The following KCNMA1 variants were observed in gnomAD, a reference collection of about 807,000 sequenced individuals.
KCNMA1 encodes potassium calcium-activated channel subfamily M alpha 1, also known as Calcium-activated potassium channel subunit alpha-1.
KCNMA1 carries 29 observed loss-of-function variants against 140.0 expected under a neutral mutation model. The observed-to-expected ratio is 0.21, with a 90% CI of 0.15 to 0.28. KCNMA1 has a LOEUF of 0.28. Ranked by LOEUF, KCNMA1 falls within the 10% of genes least tolerant of loss-of-function variation. The probability of loss-of-function intolerance (pLI) is 1.00; values close to 1 mark genes in which losing one functional copy is unlikely to be tolerated. For synonymous variants in KCNMA1, 612 were observed against 611.9 expected (o/e 1.00, Z 0.00); for missense variants, 880 against 1,602.2 (o/e 0.55, Z 7.70).
chr10:77,032,388 A>G (rs1212311910), intron 15 of KCNMA1, among the ~76,000 whole-genome samples: 1 of 152,190 alleles, frequency 6.6e-6, no homozygotes, highest in Non-Finnish European at 1.5e-5. Flanking sequence ...GAAATCAGGA[A>G]GCAGGGTGAG....
intron 1 of KCNMA1, among the ~76,000 whole-genome samples, chr10:77,519,589 G>A (rs1002312899): frequency 5.3e-5 from 8 of 152,056 alleles, no homozygotes; most frequent in Admixed American, 1.3e-4. Flanking sequence ...TTAATATCAC[G>A]GCCAAGGTCA....
chr10:77,512,958 C>T (rs1472311959), intron 1 of KCNMA1, among the ~76,000 whole-genome samples: 1 of 152,188 alleles, frequency 6.6e-6, no homozygotes, highest in East Asian at 1.9e-4. Context: ...TACTCCCTGG[C>T]CTTACTGTTA....
intron 9 of KCNMA1, among the ~76,000 whole-genome samples, chr10:77,103,936 G>A (rs905823550): frequency 3.9e-5 from 6 of 152,262 alleles, no homozygotes; most frequent in African/African-American, 1.4e-4. Context: ...GGTGGAGGAA[G>A]ATACAAACAA....
chr10:77,463,149 G>A (rs2097910262), intron 1 of KCNMA1, among the ~76,000 whole-genome samples: 1 of 152,162 alleles, frequency 6.6e-6, no homozygotes, highest in Non-Finnish European at 1.5e-5. Flanking sequence ...AGGTAACACA[G>A]TGCATGGCCC....
intron 1 of KCNMA1, among the ~76,000 whole-genome samples, chr10:77,535,088 T>C (rs1411034216): frequency 6.6e-6 from 1 of 152,238 alleles, no homozygotes; most frequent in East Asian, 1.9e-4. Context: ...ATATGTTATA[T>C]GAAGGTGGCG....
intron 2 of KCNMA1, among the ~76,000 whole-genome samples, chr10:77,345,549 G>T (rs1349956024): frequency 1.3e-5 from 2 of 152,206 alleles, no homozygotes; most frequent in African/African-American, 4.8e-5. Flanking sequence ...ACCTGTGTCT[G>T]CCCATCAACC....
chr10:77,317,262 C>A (rs1020113038), intron 2 of KCNMA1, among the ~76,000 whole-genome samples: 5 of 152,168 alleles, frequency 3.3e-5, no homozygotes, highest in African/African-American at 1.2e-4. Flanking sequence ...TCTAAGGAAC[C>A]CACTTCCACC....
intron 1 of KCNMA1, among the ~76,000 whole-genome samples, chr10:77,553,469 G>A (rs2063355056): frequency 6.6e-6 from 1 of 152,198 alleles, no homozygotes; most frequent in Non-Finnish European, 1.5e-5. Flanking sequence ...TCAGCAGTGA[G>A]CACCAGCCCA....
intron 3 of KCNMA1, among the ~76,000 whole-genome samples, chr10:77,231,650 T>C (rs1165589495): frequency 6.6e-6 from 1 of 151,550 alleles, no homozygotes; most frequent in Non-Finnish European, 1.5e-5. Flanking sequence ...AGCTGCTCTG[T>C]CTGTGACGCC....
At chr10:77,520,320 T>C (rs2052898031) in intron 1 of KCNMA1, among the ~76,000 whole-genome samples, 1 of 149,764 alleles carries the variant, frequency 6.7e-6, no homozygotes, top group Non-Finnish European at 1.5e-5. Context: ...AGTGTGAGGG[T>C]ATCCAGTGTG....
chr10:77,406,432 C>T (rs977722415), intron 1 of KCNMA1, among the ~76,000 whole-genome samples: 4 of 152,204 alleles, frequency 2.6e-5, no homozygotes, highest in Middle Eastern at 3.2e-3. Context: ...TGCTTCTTCT[C>T]GTGCCCCTGA....
intron 1 of KCNMA1, among the ~76,000 whole-genome samples, chr10:77,404,427 C>T (rs1193907650): frequency 3.3e-5 from 5 of 152,004 alleles, no homozygotes; most frequent in Non-Finnish European, 5.9e-5. Flanking sequence ...TACAGGCGCG[C>T]GGCCACCATG....
chr10:77,450,332 A>G (rs1301102275), intron 1 of KCNMA1, among the ~76,000 whole-genome samples: 1 of 152,242 alleles, frequency 6.6e-6, no homozygotes, highest in African/African-American at 2.4e-5. Context: ...CTGGGAGTAC[A>G]GGCGTGAGCC....
intron 2 of KCNMA1, among the ~76,000 whole-genome samples, chr10:77,376,002 A>T (rs537755240): frequency 1.3e-5 from 2 of 152,314 alleles, no homozygotes; most frequent in South Asian, 4.1e-4. Context: ...ACCTTCCAAG[A>T]ACCCTACCTG....
chr10:77,470,120 G>T (rs1361462613), intron 1 of KCNMA1, among the ~76,000 whole-genome samples: 3 of 152,058 alleles, frequency 2.0e-5, no homozygotes, highest in Non-Finnish European at 4.4e-5. Flanking sequence ...TAGGAATTTG[G>T]GGCTGAGGAG....
At chr10:76,879,356 C>T (rs2033597051) in intron 29 of KCNMA1, among the ~76,000 whole-genome samples, 1 of 152,170 alleles carries the variant, frequency 6.6e-6, no homozygotes, top group African/African-American at 2.4e-5. Context: ...CTCTCCTGCT[C>T]TGGCTCACTC....
At chr10:77,497,645 A>T (rs1387725666) in intron 1 of KCNMA1, among the ~76,000 whole-genome samples, 1 of 152,248 alleles carries the variant, frequency 6.6e-6, no homozygotes, top group Non-Finnish European at 1.5e-5. Flanking sequence ...AGCTGAGTTT[A>T]ACCCGACTTA....
At chr10:77,462,736 C>A (rs977397837) in intron 1 of KCNMA1, among the ~76,000 whole-genome samples, 3 of 152,232 alleles carry the variant, frequency 2.0e-5, no homozygotes, top group African/African-American at 7.2e-5. Flanking sequence ...TTGAACACAA[C>A]TAGTGCTCAC....
At chr10:76,993,797 C>A (rs921769154) in intron 19 of KCNMA1, among the ~76,000 whole-genome samples, 1 of 152,216 alleles carries the variant, frequency 6.6e-6, no homozygotes, top group South Asian at 2.1e-4. Context: ...AGAACAAAAC[C>A]CTTGGCCTGG....
Sources: allele counts gnomAD v4.1 joint callset (sites outside exome capture counted in the v4.1 genomes callset), GRCh38; gene constraint gnomAD v4.1.1; transcripts MANE v1.5; gene names NCBI Gene and HGNC (gene_info 2026-07-23, HGNC 2026-07-21).